Variants in ABTB2 observed in about 807,000 individuals in gnomAD.
ABTB2 encodes ankyrin repeat and BTB/POZ domain-containing protein 2.
ABTB2 carries 56 observed loss-of-function variants against 104.1 expected under a neutral mutation model. That is an observed-to-expected ratio of 0.54 (90% CI 0.43 to 0.67). ABTB2 has a LOEUF of 0.67. Ranked by LOEUF, ABTB2 falls within the 30% of genes least tolerant of loss-of-function variation. ABTB2 has a pLI of 0.00. For missense variants in ABTB2, 1,279 were observed against 1,407.7 expected (o/e 0.91, Z 1.46); for synonymous variants, 606 against 608.2 (o/e 1.00, Z 0.05).
chr11:34,191,055 A>G (rs1853168971), intron 3 of ABTB2, among the ~76,000 whole-genome samples: 1 of 152,178 alleles, frequency 6.6e-6, no homozygotes, highest in African/African-American at 2.4e-5. Flanking sequence ...GGTAGATGAG[A>G]TAACACCTCT....
chr11:34,347,664 A>G (rs185544520), intron 1 of ABTB2, among the ~76,000 whole-genome samples: 45 of 152,326 alleles, frequency 3.0e-4, no homozygotes, highest in Admixed American at 7.2e-4. Context: ...AGCAGAATTC[A>G]GCTGCACCTT....
intron 12 of ABTB2, 31 bp from the exon 13 acceptor site, chr11:34,160,039 G>T: frequency 6.4e-7 from 1 of 1,565,166 alleles, no homozygotes. Flanking sequence ...GAGGGATATG[G>T]CTGAGGAGTC....
At chr11:34,215,625 G>A (rs866445203) in intron 1 of ABTB2, among the ~76,000 whole-genome samples, 12 of 152,284 alleles carry the variant, frequency 7.9e-5, no homozygotes, top group Middle Eastern at 6.8e-3. Flanking sequence ...TACTAGCTGT[G>A]TGACTCTGGA....
chr11:34,350,586 A>C (rs1249808669), intron 1 of ABTB2, among the ~76,000 whole-genome samples: 1 of 152,214 alleles, frequency 6.6e-6, no homozygotes, highest in Non-Finnish European at 1.5e-5. Flanking sequence ...GCATTTAAAC[A>C]GAGTAACAGC....
At chr11:34,195,539 C>T (rs976577622) in intron 3 of ABTB2, among the ~76,000 whole-genome samples, 3 of 152,210 alleles carry the variant, frequency 2.0e-5, no homozygotes, top group Admixed American at 6.5e-5. Context: ...CTGATAACAG[C>T]AATGGTACCA....
intron 1 of ABTB2, among the ~76,000 whole-genome samples, chr11:34,243,071 A>G (rs533612533): frequency 6.6e-6 from 1 of 152,296 alleles, no homozygotes; most frequent in South Asian, 2.1e-4. Flanking sequence ...TGAGGACTCC[A>G]GGAGGAAATG....
At chr11:34,152,669 G>T in intron 16 of ABTB2, 85 bp from the exon 17 acceptor site, 1 of 1,341,970 alleles carries the variant, frequency 7.5e-7, no homozygotes. Context: ...CCTACCCATG[G>T]CCACAGCCCT....
At chr11:34,191,561 G>C (rs1256662422) in intron 3 of ABTB2, among the ~76,000 whole-genome samples, 2 of 152,162 alleles carry the variant, frequency 1.3e-5, no homozygotes, top group East Asian at 1.9e-4. Flanking sequence ...CTGTCTGGGG[G>C]TGCAGAACTA....
At chr11:34,227,018 C>T (rs1478262820) in intron 1 of ABTB2, among the ~76,000 whole-genome samples, 1 of 152,052 alleles carries the variant, frequency 6.6e-6, no homozygotes, top group Non-Finnish European at 1.5e-5. Context: ...GCTGAGATGG[C>T]ACCACTGCCC....
chr11:34,299,557 G>A (rs1377521721), intron 1 of ABTB2, among the ~76,000 whole-genome samples: 2 of 152,222 alleles, frequency 1.3e-5, no homozygotes, highest in Admixed American at 6.5e-5. Context: ...GGCCCATCCT[G>A]CTCCATTAGG....
rs535135988 is a variant in ABTB2, at chr11:34,245,965, C to T, written c.884-41275G>A. Among the ~76,000 whole-genome samples, 3 of 152,310 alleles carry T rather than the reference C, an allele frequency of 2.0e-5. No homozygotes were observed. In the South Asian group the frequency reaches 6.2e-4, roughly 32 times the overall value. On this transcript the variant is annotated intron_variant, in intron 1 of 16. Coordinates refer to ENST00000435224, the MANE Select transcript of ABTB2 (RefSeq NM_145804.3). ...CATGGGCCCCAGCAGGGGAGAGAGG[C>T]CCTCCTCATCCTGGGGCCACAAATA...
chr11:34,203,500 A>G (rs533827144), intron 2 of ABTB2, among the ~76,000 whole-genome samples: 46 of 152,286 alleles, frequency 3.0e-4, no homozygotes, highest in Admixed American at 2.7e-3. Context: ...GACGGAGATG[A>G]AACCAGAACC....
At chr11:34,213,082 T>C (rs530902301) in intron 1 of ABTB2, among the ~76,000 whole-genome samples, 1 of 152,078 alleles carries the variant, frequency 6.6e-6, no homozygotes, top group African/African-American at 2.4e-5. Context: ...GCTTGTGGAG[T>C]TGGTGTGGGG....
intron 3 of ABTB2, among the ~76,000 whole-genome samples, chr11:34,196,280 G>C (rs866627449): frequency 6.6e-6 from 1 of 152,186 alleles, no homozygotes; most frequent in Non-Finnish European, 1.5e-5. Context: ...AAGACCGGGC[G>C]CGGTGGCTCA....
At chr11:34,258,208 G>T (rs1482994755) in intron 1 of ABTB2, among the ~76,000 whole-genome samples, 1 of 152,204 alleles carries the variant, frequency 6.6e-6, no homozygotes, top group African/African-American at 2.4e-5. Flanking sequence ...TAAACTTTGT[G>T]TCACTGATCC....
chr11:34,349,076 A>G (rs1300377153), intron 1 of ABTB2, among the ~76,000 whole-genome samples: 1 of 152,208 alleles, frequency 6.6e-6, no homozygotes, highest in Admixed American at 6.5e-5. Flanking sequence ...CTCCAAGCAC[A>G]CAACCAAAGC....
At chr11:34,204,398 T>G in intron 2 of ABTB2, 146 bp downstream of exon 2, 1 of 987,112 alleles carries the variant, frequency 1.0e-6, no homozygotes, top group Admixed American at 3.1e-5. Flanking sequence ...TCTAGAAAGA[T>G]CTAGCTTTCA....
chr11:34,342,228 A>T (rs1855269565), intron 1 of ABTB2, among the ~76,000 whole-genome samples: 1 of 152,252 alleles, frequency 6.6e-6, no homozygotes, highest in African/African-American at 2.4e-5. Flanking sequence ...ATACGGTATT[A>T]TCTTTAAACA....
At chr11:34,209,053 G>A (rs915988046) in intron 1 of ABTB2, among the ~76,000 whole-genome samples, 3 of 152,180 alleles carry the variant, frequency 2.0e-5, no homozygotes, top group African/African-American at 7.2e-5. Context: ...TTTAAGAATA[G>A]TTAGCATCCT....
Sources: gnomAD v4.1 joint callset for allele counts (sites outside exome capture counted in the v4.1 genomes callset) on GRCh38, gnomAD v4.1.1 for gene constraint, MANE v1.5 for transcripts, NCBI Gene and HGNC (gene_info 2026-07-23, HGNC 2026-07-21) for gene names.